Variants in ARHGEF4 observed in about 807,000 individuals in gnomAD.
ARHGEF4 encodes the protein APC-stimulated guanine nucleotide exchange factor 1.
A neutral mutation model predicts 162.0 loss-of-function variants in ARHGEF4; 119 were observed. The observed-to-expected ratio is 0.73, with a 90% CI of 0.63 to 0.86. ARHGEF4 has a LOEUF of 0.86. ARHGEF4 is among the 40% of genes least tolerant of loss of function. ARHGEF4 has a pLI of 0.00. For missense variants in ARHGEF4, 2,488 were observed against 2,456.0 expected (o/e 1.01, Z -0.28); for synonymous variants, 1,014 against 979.9 (o/e 1.03, Z -0.65).
intron 4 of ARHGEF4, among the ~76,000 whole-genome samples, chr2:131,004,270 A>G (rs1189205644): frequency 6.6e-6 from 1 of 152,096 alleles, no homozygotes; most frequent in African/African-American, 2.4e-5. Flanking sequence ...GGTTCATGCC[A>G]TTCTCCTGCC....
At chr2:130,991,148 T>C (rs975661964) in intron 4 of ARHGEF4, among the ~76,000 whole-genome samples, 6 of 152,238 alleles carry the variant, frequency 3.9e-5, no homozygotes, top group African/African-American at 1.4e-4. Flanking sequence ...CCACTCATGA[T>C]GGTGTGGAAC....
chr2:131,044,335 C>G lies in ARHGEF4; in HGVS notation c.5194C>G (p.Arg1732Gly). 6.2e-7 allele frequency: 1 copy of G among 1,609,700 alleles called. No individual in the cohort carries two copies. The highest frequency in any genetic ancestry group is 1.1e-5 in the South Asian group (1 of 89,942). ...LRRDVLYYKGRLDMDGLEVVD... is the reference protein window; with the variant it reads ...LRRDVLYYKGGLDMDGLEVVD... ...CCGCGACGTGTTGTACTACAAGGGC[C>G]GGCTGGACATGGACGGCCTGGAGGT... The change falls in exon 12 of 14, where the codon CGG becomes GGG. Residue 1732 changes from arginine (R) to glycine (G), a missense_variant. Physicochemically the swap from Arg to Gly is moderately radical, Grantham distance 125. This residue lies in a region of ARHGEF4 where 415 missense variants were observed against 512.4 expected (regional missense o/e 0.81). Transcript: ENST00000409359.
chr2:131,033,630 G>C (rs1398721372), intron 5 of ARHGEF4, among the ~76,000 whole-genome samples: 1 of 152,202 alleles, frequency 6.6e-6, no homozygotes, highest in Admixed American at 6.5e-5. Flanking sequence ...CTTACTAGAG[G>C]ACTGCTGGGA....
intron 1 of ARHGEF4, among the ~76,000 whole-genome samples, chr2:130,903,406 C>T (rs188300241): frequency 6.6e-5 from 10 of 152,106 alleles, no homozygotes; most frequent in Non-Finnish European, 2.9e-5. Flanking sequence ...ATTACAGGCA[C>T]GTGCCACCAC....
Position 131,040,139 on chromosome 2 carries a change from G to C in ARHGEF4, c.4429G>C (p.Glu1477Gln). The change falls in exon 7 of 14, where the codon GAG becomes CAG. Residue 1477 changes from glutamate (E) to glutamine (Q), a missense_variant. Glu to Gln is a conservative substitution (Grantham distance 29). This residue lies in a region of ARHGEF4 where 174 missense variants were observed against 148.3 expected (regional missense o/e 1.17). Transcript: ENST00000409359. ...CCAGATGCGGACCAACGTCATCAAC[G>C]AGATCCTCAGCACTGAGCGGGACTA... ...KDQMRTNVIN[E>Q]ILSTERDYIK... 1 of 1,613,404 alleles carries C rather than the reference G, an allele frequency of 6.2e-7. No homozygotes were observed. Among genetic ancestry groups the C allele is most frequent in the Non-Finnish European group, 8.5e-7 (1 of 1,179,774 alleles).
At chr2:130,879,295 A>T (rs1276938467) in intron 1 of ARHGEF4, among the ~76,000 whole-genome samples, 2 of 152,196 alleles carry the variant, frequency 1.3e-5, no homozygotes, top group African/African-American at 4.8e-5. Flanking sequence ...CTTTTACAGG[A>T]GATTTTTTTC....
intron 1 of ARHGEF4, among the ~76,000 whole-genome samples, chr2:130,839,846 A>C (rs1313869979): frequency 6.6e-6 from 1 of 152,140 alleles, no homozygotes; most frequent in Non-Finnish European, 1.5e-5. Flanking sequence ...CTGTATTTTC[A>C]TGGAATGTAT....
chr2:130,978,092 C>T (rs1237307529), intron 4 of ARHGEF4, among the ~76,000 whole-genome samples: 6 of 152,154 alleles, frequency 3.9e-5, no homozygotes, highest in African/African-American at 1.4e-4. Flanking sequence ...GAACTCATAT[C>T]AAACAAATAC....
chr2:130,918,634 T>A (rs1681678536), intron 2 of ARHGEF4, among the ~76,000 whole-genome samples: 1 of 152,172 alleles, frequency 6.6e-6, no homozygotes, highest in African/African-American at 2.4e-5. Flanking sequence ...GATAAGGTGC[T>A]GGCAGAGCGC....
chr2:130,988,880 A>G (rs62178933), intron 4 of ARHGEF4, among the ~76,000 whole-genome samples: 4,525 of 72,208 alleles, frequency 0.063, 87 homozygotes, highest in Non-Finnish European at 0.087. Flanking sequence ...GTGTATATAT[A>G]TATATATATA....
intron 1 of ARHGEF4, among the ~76,000 whole-genome samples, chr2:130,879,542 T>C (rs1369544952): frequency 1.3e-5 from 2 of 152,202 alleles, no homozygotes; most frequent in African/African-American, 4.8e-5. Context: ...TTGAACTTAT[T>C]CCTCCTGTCT....
intron 3 of ARHGEF4, among the ~76,000 whole-genome samples, chr2:130,932,194 G>A (rs1023103472): frequency 3.9e-5 from 6 of 152,108 alleles, no homozygotes; most frequent in African/African-American, 1.4e-4. Flanking sequence ...ACTTAGCGTC[G>A]TGTTTTATCC....
Position 130,917,333 on chromosome 2 carries a change from T to C in ARHGEF4, c.3387T>C (p.Ser1129=). ...SLGSYSYVDS[S]SGDPERPKIP... is the part of the protein sequence containing the mutation. ...GAAGCTACAGCTACGTGGACAGCAG[T>C]TCAGGGGACCCTGAAAGACCCAAGA... The change falls in exon 2 of 14, where the codon AGT becomes AGC. Residue 1129 remains serine (S), a synonymous_variant. Transcript: ENST00000409359. 1.9e-6 allele frequency: 3 copies of C among 1,550,486 alleles called. No homozygotes were observed. Among genetic ancestry groups the C allele is most frequent in the Non-Finnish European group, 2.6e-6 (3 of 1,146,964 alleles).
chr2:131,025,061 A>G (rs546981164), intron 4 of ARHGEF4, among the ~76,000 whole-genome samples: 1 of 152,274 alleles, frequency 6.6e-6, no homozygotes, highest in African/African-American at 2.4e-5. Flanking sequence ...CCATTCTCAC[A>G]GTCCTATAAA....
intron 4 of ARHGEF4, among the ~76,000 whole-genome samples, chr2:130,949,225 TAAG>T: frequency 6.6e-6 from 1 of 152,338 alleles, no homozygotes; most frequent in East Asian, 1.9e-4. Flanking sequence ...TTGAAGCCAT[TAAG>T]AACAGAAAAT....
At chr2:130,887,331 C>CAA (rs1197328534) in intron 1 of ARHGEF4, among the ~76,000 whole-genome samples, 1 of 136,268 alleles carries the variant, frequency 7.3e-6, no homozygotes, top group African/African-American at 2.6e-5. Context: ...ACCCTGTCTC[C>CAA]AAAAAAAAAA....
At chr2:130,917,545 GAGA>G (rs1475511986) in intron 2 of ARHGEF4, 47 bp downstream of exon 2, 17 of 1,495,978 alleles carry the variant, frequency 1.1e-5, no homozygotes, top group Middle Eastern at 2.2e-4. Context: ...CTGCAGGCAA[GAGA>G]AGGAGGGGAG....
Position 130,916,401 on chromosome 2 carries a change from AC to A in ARHGEF4, c.2457del (p.Glu820ArgfsTer104). 1 of 1,529,084 alleles carries A rather than the reference AC, an allele frequency of 6.5e-7. No homozygotes were observed. The allele number at this position is 1,529,084 out of a possible 1,614,324, so 94.7% of individuals were successfully genotyped here. On this transcript the variant is annotated frameshift_variant, in exon 2 of 14. Coordinates refer to ENST00000409359, the MANE Select transcript of ARHGEF4 (RefSeq NM_001367493.1). LOFTEE classifies it high-confidence loss of function. The stretch of plus-strand genomic sequence containing the variant: ...CCCAGGAGGGGTCCCGGCCCCGACC[AC>A]CGAGGGTCGCCGCTGGGGCTCTTCA... ...ESPGGVPAPT[T>X]EGRRWGSSGP...
chr2:131,012,342 G>T (rs1419394259), intron 4 of ARHGEF4, among the ~76,000 whole-genome samples: 2 of 152,156 alleles, frequency 1.3e-5, no homozygotes, highest in African/African-American at 4.8e-5. Flanking sequence ...CACGGGGCAG[G>T]TGTCACTTCT....
Sources: gnomAD v4.1 joint callset for allele counts (sites outside exome capture counted in the v4.1 genomes callset) on GRCh38, gnomAD v4.1.1 for gene constraint, gnomAD v4.1.1 regional missense constraint, MANE v1.5 for transcripts, NCBI Gene and HGNC (gene_info 2026-07-23, HGNC 2026-07-21) for gene names.